The following MYLK variants were observed in gnomAD, a reference collection of about 807,000 sequenced individuals.
MYLK encodes the protein myosin light chain kinase.
MYLK carries 106 observed loss-of-function variants against 203.4 expected under a neutral mutation model. The observed-to-expected ratio is 0.52, with a 90% CI of 0.45 to 0.61. The LOEUF is 0.61. Ranked by LOEUF, MYLK falls within the 20% of genes least tolerant of loss-of-function variation. The pLI, the probability that MYLK is intolerant of heterozygous loss-of-function variation, is 0.00. For missense variants in MYLK, 2,072 were observed against 2,442.3 expected (o/e 0.85, Z 3.20); for synonymous variants, 867 against 959.5 (o/e 0.90, Z 1.78).
At chr3:123,824,105 T>TC (rs1560264630) in intron 3 of MYLK, among the ~76,000 whole-genome samples, 1 of 151,942 alleles carries the variant, frequency 6.6e-6, no homozygotes, top group Non-Finnish European at 1.5e-5. Flanking sequence ...TTTTTTTTTT[T>TC]TGAGACGGAG....
chr3:123,635,505 T>C (rs2058609142), intron 29 of MYLK, among the ~76,000 whole-genome samples: 2 of 152,134 alleles, frequency 1.3e-5, no homozygotes, highest in African/African-American at 4.8e-5. Context: ...CCTGAGTCAG[T>C]GCCACCTGGC....
chr3:123,801,665 G>C (rs1353038731), intron 3 of MYLK, among the ~76,000 whole-genome samples: 1 of 152,190 alleles, frequency 6.6e-6, no homozygotes, highest in Admixed American at 6.5e-5. Context: ...ACTTACAAGT[G>C]AGAACATGTG....
chr3:123,653,664 T>A lies in MYLK; in HGVS notation c.4288+3462A>T, dbSNP rs938310974. Among the ~76,000 whole-genome samples the A allele has an allele frequency of 6.6e-5, 10 of 152,246 alleles. No homozygotes were observed. In the East Asian group the frequency reaches 1.9e-3, roughly 29 times the overall value. The stretch of plus-strand genomic sequence containing the variant: ...GAGGCCACTTGCCCCAGACAGGCAG[T>A]CACAGCTCTTCCTCCTGGCAGAGTC... On this transcript the variant is annotated intron_variant, in intron 24 of 33. Transcript: ENST00000360304.
chr3:123,638,853 C>T, intron 28 of MYLK: 1 of 985,428 alleles, frequency 1.0e-6, no homozygotes, highest in Non-Finnish European at 1.2e-6. Context: ...CATAAAGGAC[C>T]AGAGATGTCT....
chr3:123,834,687 T>C (rs901042935), intron 2 of MYLK, among the ~76,000 whole-genome samples: 19 of 152,180 alleles, frequency 1.2e-4, no homozygotes, highest in Admixed American at 3.3e-4. Flanking sequence ...ATAAAGAGCA[T>C]TATAAAGCAT....
chr3:123,618,552 C>T (rs2057647836), intron 33 of MYLK, 87 bp downstream of exon 33: 2 of 1,583,318 alleles, frequency 1.3e-6, no homozygotes, highest in Non-Finnish European at 1.7e-6. Flanking sequence ...CTGCACAGAA[C>T]TGACTTCTTG....
At chr3:123,618,431 G>T in intron 33 of MYLK, 1 of 587,682 alleles carries the variant, frequency 1.7e-6, no homozygotes. Flanking sequence ...CCCTGGGGAA[G>T]TGACTGAAGG....
intron 8 of MYLK, 119 bp from the exon 9 acceptor site, chr3:123,735,535 C>G: frequency 8.7e-7 from 1 of 1,148,986 alleles, no homozygotes; most frequent in East Asian, 2.4e-5. Flanking sequence ...TCCAGCTTCC[C>G]TGGTGCTGAA....
chr3:123,716,498 T>TA (rs1243170199), intron 13 of MYLK: 5 of 152,126 alleles, frequency 3.3e-5, no homozygotes, highest in Non-Finnish European at 7.4e-5. Flanking sequence ...CAATGACGTA[T>TA]AATATCCCAA....
At chr3:123,857,401 T>C (rs1206379770) in intron 2 of MYLK, among the ~76,000 whole-genome samples, 1 of 151,872 alleles carries the variant, frequency 6.6e-6, no homozygotes, top group Non-Finnish European at 1.5e-5. Context: ...CCAACCCAAA[T>C]GTCCAACAAT....
At chr3:123,683,645 GGTAATC>G (rs2060346794) in intron 19 of MYLK, among the ~76,000 whole-genome samples, 1 of 152,080 alleles carries the variant, frequency 6.6e-6, no homozygotes, top group African/African-American at 2.4e-5. Context: ...CTCTGCTATG[GGTAATC>G]CAGGGAGGAG....
chr3:123,721,433 C>A (rs946456224), intron 13 of MYLK, among the ~76,000 whole-genome samples: 3 of 152,204 alleles, frequency 2.0e-5, no homozygotes, highest in Non-Finnish European at 4.4e-5. Context: ...CCTGCTGATA[C>A]CACAGCCCAG....
At chr3:123,794,017 A>G in intron 3 of MYLK, 173 bp from the exon 4 acceptor site, 1 of 722,744 alleles carries the variant, frequency 1.4e-6, no homozygotes. Context: ...TCTGTCTTTT[A>G]TACACAAAGT....
intron 13 of MYLK, among the ~76,000 whole-genome samples, chr3:123,710,971 G>A (rs1292394971): frequency 1.3e-5 from 2 of 152,106 alleles, no homozygotes; most frequent in Non-Finnish European, 1.5e-5. Context: ...CCAAGCTGTA[G>A]TCCCAGCTAC....
intron 2 of MYLK, among the ~76,000 whole-genome samples, chr3:123,835,013 T>C (rs2066440194): frequency 6.6e-6 from 1 of 152,154 alleles, no homozygotes; most frequent in African/African-American, 2.4e-5. Context: ...GGAACATAGC[T>C]CTCCTTTTAT....
intron 2 of MYLK, among the ~76,000 whole-genome samples, chr3:123,855,412 T>C (rs1382650845): frequency 6.6e-6 from 1 of 152,176 alleles, no homozygotes; most frequent in Non-Finnish European, 1.5e-5. Flanking sequence ...TCAATAACTA[T>C]ATTTTTCATT....
At chr3:123,737,696 C>T (rs981179891) in intron 7 of MYLK, among the ~76,000 whole-genome samples, 153 bp from the exon 8 acceptor site, 5 of 152,196 alleles carry the variant, frequency 3.3e-5, no homozygotes, top group African/African-American at 1.2e-4. Context: ...AGAGAGCCAA[C>T]TTTAAACAGT....
intron 29 of MYLK, among the ~76,000 whole-genome samples, chr3:123,630,213 C>T (rs896569532): frequency 6.6e-6 from 1 of 152,176 alleles, no homozygotes; most frequent in Admixed American, 6.5e-5. Flanking sequence ...AGAAAACTTC[C>T]CTATGAGGTG....
chr3:123,784,560 A>G (rs1320033834), intron 4 of MYLK, among the ~76,000 whole-genome samples: 1 of 151,618 alleles, frequency 6.6e-6, no homozygotes, highest in African/African-American at 2.4e-5. Flanking sequence ...CTTACCATTC[A>G]CCATCCCTCT....
Sources: allele counts gnomAD v4.1 joint callset (sites outside exome capture counted in the v4.1 genomes callset), GRCh38; gene constraint gnomAD v4.1.1; transcripts MANE v1.5; gene names NCBI Gene and HGNC (gene_info 2026-07-23, HGNC 2026-07-21).